Variants in KIF6 observed in about 807,000 individuals in gnomAD.
KIF6 encodes kinesin family member 6.
KIF6 carries 106 observed loss-of-function variants against 112.7 expected under a neutral mutation model. That is an observed-to-expected ratio of 0.94 (90% CI 0.80 to 1.11). The LOEUF (loss-of-function observed/expected upper bound fraction) is 1.11, where lower values mean the gene tolerates loss of function less well. KIF6 is among the 50% of genes least tolerant of loss of function. The pLI is 0.00. For missense variants in KIF6, 929 were observed against 964.0 expected (o/e 0.96, Z 0.48); for synonymous variants, 339 against 339.9 (o/e 1.00, Z 0.03).
rs150647558 is a variant in KIF6, at chr6:39,410,985, T to C, written c.1810+8963A>G. 1.5e-3 allele frequency among the ~76,000 whole-genome samples: 225 copies of C among 152,334 alleles called. 1 individual carries two copies. The highest frequency in any genetic ancestry group is 0.01 in the Middle Eastern group (3 of 294). The stretch of plus-strand genomic sequence containing the variant: ...GGGTTCCTGACCCCAAAGCAGCACA[T>C]GCTTAAGCCTGCCAGCAGCTACTGT... On this transcript the variant is annotated intron_variant, in intron 15 of 22. Transcript: ENST00000287152.
Position 39,613,218 on chromosome 6 carries a change from A to G in KIF6, c.610T>C (p.Leu204=). Reference sequence around the variant, plus strand: ...GCAATCATTCGGTTGGTGTCTCCTAAAAAAAGCAAATTCAGAGCTTCTTCC... The same window carrying G: ...GCAATCATTCGGTTGGTGTCTCCTAGAAAAAGCAAATTCAGAGCTTCTTCC... ...TEEEALNLLF[L]GDTNRMIAET... Residue 204 remains leucine (L), a synonymous_variant, in exon 6 of 23, where the codon TTA becomes CTA. Transcript: ENST00000287152. 6.2e-7 allele frequency: 1 copy of G among 1,602,398 alleles called. No individual in the cohort carries two copies.
At chr6:39,654,294 C>T (rs1404243786) in intron 3 of KIF6, among the ~76,000 whole-genome samples, 1 of 152,136 alleles carries the variant, frequency 6.6e-6, no homozygotes, top group African/African-American at 2.4e-5. Context: ...CACTCTCAGC[C>T]TCCACCCCCA....
intron 12 of KIF6, among the ~76,000 whole-genome samples, chr6:39,541,989 C>T (rs1778814331): frequency 6.6e-6 from 1 of 152,090 alleles, no homozygotes; most frequent in East Asian, 1.9e-4. Flanking sequence ...TGAGGAACCT[C>T]GTGTTAGAAG....
At chr6:39,498,680 G>C (rs1775932235) in intron 13 of KIF6, among the ~76,000 whole-genome samples, 1 of 152,164 alleles carries the variant, frequency 6.6e-6, no homozygotes, top group South Asian at 2.1e-4. Flanking sequence ...CTGGCCCACA[G>C]GGTGTGGGCC....
chr6:39,345,841 A>G (rs763857506), intron 20 of KIF6, 52 bp from the exon 21 acceptor site: 2 of 1,316,754 alleles, frequency 1.5e-6, no homozygotes, highest in South Asian at 1.2e-5. Flanking sequence ...AATTTATAGA[A>G]GGAAATTCAG....
At chr6:39,409,615 CTT>C (rs1258939879) in intron 15 of KIF6, among the ~76,000 whole-genome samples, 1 of 152,182 alleles carries the variant, frequency 6.6e-6, no homozygotes, top group Non-Finnish European at 1.5e-5. Context: ...TTTAGGCTGG[CTT>C]CAATAAGTTC....
intron 13 of KIF6, among the ~76,000 whole-genome samples, chr6:39,509,980 A>G (rs1307252259): frequency 6.6e-6 from 1 of 152,182 alleles, no homozygotes; most frequent in Non-Finnish European, 1.5e-5. Context: ...ACAGCCAGAG[A>G]GAAAGGTCGG....
chr6:39,566,633 A>T (rs1196190474), intron 10 of KIF6, among the ~76,000 whole-genome samples: 3 of 152,252 alleles, frequency 2.0e-5, no homozygotes, highest in African/African-American at 7.2e-5. Flanking sequence ...GCAATATTAC[A>T]GTCCAAATAT....
chr6:39,551,036 T>C (rs547908247), intron 10 of KIF6, among the ~76,000 whole-genome samples: 1 of 152,340 alleles, frequency 6.6e-6, no homozygotes, highest in East Asian at 1.9e-4. Context: ...CTGTTGTGAA[T>C]AGTGCTGCAA....
At chr6:39,536,420 G>A (rs1169019454) in intron 13 of KIF6, among the ~76,000 whole-genome samples, 12 of 151,990 alleles carry the variant, frequency 7.9e-5, no homozygotes. Context: ...ACTACCATCA[G>A]AGAATACTAC....
intron 10 of KIF6, among the ~76,000 whole-genome samples, chr6:39,572,573 G>A (rs1780701432): frequency 6.6e-6 from 1 of 150,716 alleles, no homozygotes. Context: ...CATCTCGGAA[G>A]TGAAACGTTG....
chr6:39,491,090 C>G (rs891997966), intron 13 of KIF6, among the ~76,000 whole-genome samples: 2 of 152,132 alleles, frequency 1.3e-5, no homozygotes, highest in Non-Finnish European at 2.9e-5. Flanking sequence ...CTCCTTGAAT[C>G]TGAGTGGATC....
intron 3 of KIF6, among the ~76,000 whole-genome samples, chr6:39,698,585 C>T (rs1243630391): frequency 1.3e-5 from 2 of 152,086 alleles, no homozygotes; most frequent in South Asian, 2.1e-4. Context: ...TGGCTAGGCA[C>T]CGAAACTCAG....
At chr6:39,560,855 A>C (rs1272521872) in intron 10 of KIF6, among the ~76,000 whole-genome samples, 2 of 152,216 alleles carry the variant, frequency 1.3e-5, no homozygotes, top group African/African-American at 4.8e-5. Flanking sequence ...ATTTTGCAGA[A>C]GTCATTGGCT....
rs200061225 is a variant in KIF6, at chr6:39,404,882, A to G, written c.1810+15066T>C. Reference sequence around the variant, plus strand: ...TTGGGTTTCAATGTAGAGATCTTCCATATGTTTTGATAGTTTTATACCTAA... The same window carrying G: ...TTGGGTTTCAATGTAGAGATCTTCCGTATGTTTTGATAGTTTTATACCTAA... On this transcript the variant is annotated intron_variant, in intron 15 of 22. Transcript: ENST00000287152. Among the ~76,000 whole-genome samples the G allele has an allele frequency of 2.1e-4, 32 of 151,462 alleles. No individual in the cohort carries two copies. In the East Asian group the frequency reaches 6.0e-3, roughly 28 times the overall value.
chr6:39,513,268 T>C (rs77387419), intron 13 of KIF6, among the ~76,000 whole-genome samples: 4,203 of 152,252 alleles, frequency 0.028, 191 homozygotes, highest in African/African-American at 0.096. Flanking sequence ...CTGCATCAGC[T>C]TCCTCCTTTT....
At chr6:39,359,523 C>T (rs902014341) in intron 18 of KIF6, among the ~76,000 whole-genome samples, 5 of 152,098 alleles carry the variant, frequency 3.3e-5, no homozygotes, top group African/African-American at 7.2e-5. Context: ...AAAAAGTAGC[C>T]ATGCTATACA....
intron 6 of KIF6, among the ~76,000 whole-genome samples, chr6:39,608,467 A>G (rs1388457266): frequency 6.6e-6 from 1 of 152,178 alleles, no homozygotes; most frequent in Non-Finnish European, 1.5e-5. Context: ...TGAAAGTGAA[A>G]AACAGAATCA....
chr6:39,464,900 T>C (rs1043781481), intron 13 of KIF6, among the ~76,000 whole-genome samples: 7 of 152,360 alleles, frequency 4.6e-5, no homozygotes, highest in African/African-American at 1.7e-4. Context: ...ACTGAAAGCA[T>C]GGCTGTCCCA....
Sources: allele counts gnomAD v4.1 joint callset (sites outside exome capture counted in the v4.1 genomes callset), GRCh38; gene constraint gnomAD v4.1.1; transcripts MANE v1.5; gene names NCBI Gene and HGNC (gene_info 2026-07-23, HGNC 2026-07-21).